TLL1: variants seen among roughly 807,000 people sequenced by gnomAD.
The protein encoded by TLL1 is tolloid-like protein 1.
In TLL1, 49 loss-of-function variants were observed where a neutral mutation model predicts 128.2. The observed-to-expected ratio is 0.38, with a 90% confidence interval of 0.30 to 0.48. TLL1 has a LOEUF of 0.48. Among genes scored for constraint, TLL1 ranks in the 20% least tolerant of loss-of-function variants. The pLI, the probability that TLL1 is intolerant of heterozygous loss-of-function variation, is 0.96. For missense variants in TLL1, 1,123 were observed against 1,242.0 expected (o/e 0.90, Z 1.44); for synonymous variants, 454 against 418.8 (o/e 1.08, Z -1.03).
Position 165,995,319 on chromosome 4 carries a change from TTATATAC to T in TLL1, c.632+144_632+150del, listed in dbSNP as rs140700350. ...AAAGTCTGGATTTTCCATAAAAATA[TTATATAC>T]TAGGTATGTGTATTCTTTGATCACA... On this transcript the variant is annotated intron_variant, in intron 5 of 20. Coordinates refer to ENST00000061240, the MANE Select transcript of TLL1 (RefSeq NM_012464.5). 1,385 of 699,690 alleles carry T rather than the reference TTATATAC, an allele frequency of 2.0e-3. 10 individuals are homozygous for T. The African/African-American group carries it at 0.021, about 11-fold the overall frequency. 43.3% of individuals were successfully genotyped at this position (699,690 alleles called of 1,614,324 possible).
chr4:165,886,595 A>C (rs1731171966), intron 1 of TLL1, among the ~76,000 whole-genome samples: 8 of 152,206 alleles, frequency 5.3e-5, no homozygotes, highest in Admixed American at 5.2e-4. Flanking sequence ...GCAAAATCTG[A>C]GAATGCACTA....
At chr4:166,003,024 G>A (rs1330597293) in intron 5 of TLL1, among the ~76,000 whole-genome samples, 2 of 152,138 alleles carry the variant, frequency 1.3e-5, no homozygotes, top group Non-Finnish European at 2.9e-5. Flanking sequence ...AAATAAATGT[G>A]TATTGATGGC....
intron 1 of TLL1, among the ~76,000 whole-genome samples, chr4:165,936,778 A>T (rs1361602734): frequency 1.3e-5 from 2 of 151,890 alleles, no homozygotes; most frequent in South Asian, 2.1e-4. Flanking sequence ...AAATAATTTT[A>T]AAAAATTGGC....
In TLL1 at chr4:166,060,123, G is replaced by T; in HGVS notation, c.1942G>T (p.Val648Leu). ...TCCTAATAAGAACTGTGTGTGGCAA[G>T]TGGTTGCACCAACCCAGTACAGAAT... ...YPPNKNCVWQVVAPTQYRISV... is the reference protein window; with the variant it reads ...YPPNKNCVWQLVAPTQYRISV... The change falls in exon 15 of 21, where the codon GTG becomes TTG. Residue 648 changes from valine to leucine, a missense_variant. By Grantham distance (32) the Val-to-Leu change is conservative (BLOSUM62 1). Around this residue, in one of 3 missense-constraint regions of TLL1, gnomAD observed 634 missense variants for 672.4 expected, o/e 0.94. Transcript: ENST00000061240. 1 of 1,613,780 alleles carries T rather than the reference G, an allele frequency of 6.2e-7. No individual in the cohort carries two copies. The highest frequency in any genetic ancestry group is 8.5e-7 in the Non-Finnish European group (1 of 1,179,886).
intron 1 of TLL1, among the ~76,000 whole-genome samples, chr4:165,957,260 G>T (rs187670238): frequency 2.6e-5 from 4 of 152,138 alleles, no homozygotes; most frequent in African/African-American, 9.6e-5. Flanking sequence ...ACAAAGAAGG[G>T]CATTACATAG....
rs72974388 is a variant in TLL1, at chr4:166,058,288, A to T, written c.1846+979A>T. Among the ~76,000 whole-genome samples the T allele has an allele frequency of 4.9e-3, 738 of 152,156 alleles. 6 individuals are homozygous for T. The highest frequency in any genetic ancestry group is 0.017 in the African/African-American group (700 of 41,538). On this transcript the variant is annotated intron_variant, in intron 14 of 20. Transcript: ENST00000061240. ...CATTTCTCCATCCATCCATCTGTCT[A>T]TCCATCATTTGTTTTTATCTTTTTC...
At chr4:165,894,522 T>A (rs1264292236) in intron 1 of TLL1, among the ~76,000 whole-genome samples, 1 of 152,204 alleles carries the variant, frequency 6.6e-6, no homozygotes, top group Non-Finnish European at 1.5e-5. Context: ...TTTCTAGATA[T>A]ACAAAATCTG....
At chr4:165,993,807 C>T (rs1024766665) in intron 3 of TLL1, among the ~76,000 whole-genome samples, 3 of 152,088 alleles carry the variant, frequency 2.0e-5, no homozygotes, top group African/African-American at 7.2e-5. Context: ...AATCATGCTG[C>T]ATTCCTTAAT....
intron 1 of TLL1, among the ~76,000 whole-genome samples, chr4:165,907,469 G>C (rs1732315226): frequency 6.6e-6 from 1 of 152,104 alleles, no homozygotes; most frequent in South Asian, 2.1e-4. Context: ...CCTGCAAAGA[G>C]AGTATGTCTG....
In TLL1 at chr4:166,081,088, T is replaced by C. The variant is rs971065653; in HGVS notation, c.2442+3058T>C. Among the ~76,000 whole-genome samples the C allele has an allele frequency of 5.3e-5, 8 of 152,316 alleles. No individual in the cohort carries two copies. The South Asian group carries it at 8.3e-4, about 16-fold the overall frequency. ...CTCTTCATGGCAGTGAAACTCTGTC[T>C]ATATATCTTATGAGTCTTCCATGGG... On this transcript the variant is annotated intron_variant, in intron 18 of 20. Transcript: ENST00000061240.
chr4:165,917,688 T>C (rs140643921), intron 1 of TLL1, among the ~76,000 whole-genome samples: 2 of 152,284 alleles, frequency 1.3e-5, no homozygotes, highest in African/African-American at 2.4e-5. Context: ...TACAGTTGTT[T>C]ACCCCAAAGC....
At chr4:166,099,892 A>T (rs1403298878) in intron 20 of TLL1, among the ~76,000 whole-genome samples, 2 of 152,132 alleles carry the variant, frequency 1.3e-5, no homozygotes, top group African/African-American at 4.8e-5. Flanking sequence ...TAAAGCATAA[A>T]GGAAAAAAAT....
At position 165,939,862 on chromosome 4, in the gene TLL1, A is replaced by G. The variant is rs529511335; in HGVS notation, c.170-49519A>G. 5.9e-5 allele frequency among the ~76,000 whole-genome samples: 9 copies of G among 152,218 alleles called. No individual in the cohort carries two copies. In the South Asian group the frequency reaches 1.9e-3, roughly 32 times the overall value. ...AAGTCTACAGCAGCTATTTGCTTAA[A>G]TATTCCTATGGACTTCTTGTACATA... On this transcript the variant is annotated intron_variant, in intron 1 of 20. Coordinates refer to ENST00000061240, the MANE Select transcript of TLL1 (RefSeq NM_012464.5).
chr4:166,000,457 G>A (rs1430793507), intron 5 of TLL1, among the ~76,000 whole-genome samples: 2 of 152,048 alleles, frequency 1.3e-5, no homozygotes, highest in Admixed American at 1.3e-4. Flanking sequence ...TTCCTTTCCA[G>A]TGTAAAACCT....
At chr4:166,043,456 T>C in intron 12 of TLL1, 37 bp downstream of exon 12, 1 of 1,613,634 alleles carries the variant, frequency 6.2e-7, no homozygotes, top group African/African-American at 1.3e-5. Flanking sequence ...GCAAATATTC[T>C]CCATAAACGA....
At chr4:165,945,672 A>T (rs1734212991) in intron 1 of TLL1, among the ~76,000 whole-genome samples, 2 of 152,242 alleles carry the variant, frequency 1.3e-5, no homozygotes, top group Non-Finnish European at 2.9e-5. Context: ...ATAATAAAAA[A>T]GCCAAGAGAA....
intron 18 of TLL1, among the ~76,000 whole-genome samples, chr4:166,080,150 C>T (rs1256152207): frequency 1.3e-5 from 2 of 152,040 alleles, no homozygotes; most frequent in Non-Finnish European, 2.9e-5. Flanking sequence ...TCTGGTGAGG[C>T]CTCTCTTTCT....
intron 1 of TLL1, among the ~76,000 whole-genome samples, chr4:165,973,057 G>A (rs1286076358): frequency 2.6e-5 from 4 of 152,124 alleles, no homozygotes; most frequent in Admixed American, 6.5e-5. Context: ...TCTTCCAGGA[G>A]CTGTCTGTAT....
At chr4:166,076,516 A>G (rs1026280578) in intron 17 of TLL1, among the ~76,000 whole-genome samples, 1 of 152,216 alleles carries the variant, frequency 6.6e-6, no homozygotes, top group Non-Finnish European at 1.5e-5. Flanking sequence ...GAAACTTCAT[A>G]ATAGATAAAA....
Sources: gnomAD v4.1 joint callset for allele counts (sites outside exome capture counted in the v4.1 genomes callset) on GRCh38, gnomAD v4.1.1 for gene constraint, gnomAD v4.1.1 regional missense constraint, MANE v1.5 for transcripts, NCBI Gene and HGNC (gene_info 2026-07-23, HGNC 2026-07-21) for gene names.